Variants in PARP9 observed in about 807,000 individuals in gnomAD.
The protein encoded by PARP9 is poly(ADP-ribose) polymerase family member 9.
Under a neutral mutation model 68.8 loss-of-function variants are expected in PARP9, and 48 were observed. That is an observed-to-expected ratio of 0.70 (90% CI 0.55 to 0.89). The LOEUF is 0.89. PARP9 is among the 40% of genes least tolerant of loss of function. The pLI is 0.00. For synonymous variants in PARP9, 309 were observed against 333.8 expected (o/e 0.93, Z 0.81); for missense variants, 806 against 969.3 (o/e 0.83, Z 2.24).
At chr3:122,563,405 G>C (rs1284818416) in intron 1 of PARP9, among the ~76,000 whole-genome samples, 1 of 152,134 alleles carries the variant, frequency 6.6e-6, no homozygotes, top group Non-Finnish European at 1.5e-5. Flanking sequence ...AAATGATTAA[G>C]TTTTGGATAT....
chr3:122,552,944 T>G (rs1344295064), intron 4 of PARP9, among the ~76,000 whole-genome samples: 3 of 152,196 alleles, frequency 2.0e-5, no homozygotes, highest in African/African-American at 7.2e-5. Context: ...GAGTATTCCC[T>G]GTGATTTGTT....
intron 4 of PARP9, among the ~76,000 whole-genome samples, chr3:122,554,036 C>T (rs557704496): frequency 6.6e-6 from 1 of 152,298 alleles, no homozygotes; most frequent in South Asian, 2.1e-4. Flanking sequence ...CCAGTGACCC[C>T]CAGCTAAATG....
chr3:122,558,606 G>T, intron 2 of PARP9, 139 bp from the exon 3 acceptor site: 1 of 1,019,648 alleles, frequency 9.8e-7, no homozygotes, highest in South Asian at 1.9e-5. Context: ...GGAAGCATGT[G>T]TTTTTTTAAA....
chr3:122,528,672 A>G lies in PARP9; in HGVS notation c.2152T>C (p.Ser718Pro). 2 of 1,614,108 alleles carry G rather than the reference A, an allele frequency of 1.2e-6. No homozygotes were observed. Among genetic ancestry groups the G allele is most frequent in the Non-Finnish European group, 1.7e-6 (2 of 1,179,992 alleles). ...ACATAGATCAGCTTATCTGCAGCAG[A>G]GATTTTCTTGGCCTTCTCTGCCAGG... Reference protein sequence around the residue: ...KNLAEKAKKISAADKLIYVFE... With the variant: ...KNLAEKAKKIPAADKLIYVFE... Residue 718 changes from serine to proline, a missense_variant, in exon 11 of 11, where the codon TCT becomes CCT. Transcript: ENST00000682323.
chr3:122,540,044 T>G (rs2078074386), intron 8 of PARP9, among the ~76,000 whole-genome samples: 1 of 152,236 alleles, frequency 6.6e-6, no homozygotes, highest in Non-Finnish European at 1.5e-5. Context: ...TCAAGGTAAG[T>G]AATTTTAGCG....
intron 2 of PARP9, among the ~76,000 whole-genome samples, 177 bp downstream of exon 2, chr3:122,559,429 A>G (rs1288806101): frequency 6.6e-6 from 1 of 152,248 alleles, no homozygotes. Context: ...TTATTAGATT[A>G]GCATATTCTT....
intron 1 of PARP9, 76 bp from the exon 2 acceptor site, chr3:122,559,785 G>A: frequency 5.7e-6 from 3 of 524,496 alleles, no homozygotes; most frequent in Non-Finnish European, 9.8e-6. Context: ...TACTGTAGGA[G>A]GACTGAACAT....
intron 6 of PARP9, among the ~76,000 whole-genome samples, chr3:122,547,466 T>G (rs1559845852): frequency 6.6e-6 from 1 of 152,162 alleles, no homozygotes; most frequent in Non-Finnish European, 1.5e-5. Flanking sequence ...CCATTTTTCT[T>G]AAACTGTCAT....
chr3:122,542,831 T>C (rs2078360815), intron 7 of PARP9, among the ~76,000 whole-genome samples: 1 of 152,140 alleles, frequency 6.6e-6, no homozygotes. Flanking sequence ...GCACTATTCT[T>C]CTAGATAAGT....
intron 2 of PARP9, among the ~76,000 whole-genome samples, chr3:122,559,144 G>T (rs149522336): frequency 6.6e-6 from 1 of 152,200 alleles, no homozygotes; most frequent in Admixed American, 6.6e-5. Context: ...AGCTCATGGG[G>T]TTTCTCTAGA....
intron 1 of PARP9, 90 bp from the exon 2 acceptor site, chr3:122,559,799 T>C: frequency 2.1e-6 from 1 of 483,246 alleles, no homozygotes; most frequent in Non-Finnish European, 3.6e-6. Flanking sequence ...TGAACATGAT[T>C]TCTGATCTTG....
chr3:122,534,102 A>C (rs950965794), intron 10 of PARP9: 1 of 972,398 alleles, frequency 1.0e-6, no homozygotes, highest in African/African-American at 1.8e-5. Flanking sequence ...GGAGAAGGGC[A>C]GAGCACACAG....
chr3:122,543,739 G>C (rs143497067), intron 7 of PARP9, among the ~76,000 whole-genome samples: 3,005 of 152,250 alleles, frequency 0.02, 103 homozygotes, highest in African/African-American at 0.069. Flanking sequence ...AGCCTCCCAA[G>C]TAGCTGGGAC....
rs2080483134 is a variant in PARP9, at chr3:122,564,158, G to A, written c.-90+87C>T. On this transcript the variant is annotated intron_variant, in intron 1 of 10. Coordinates refer to ENST00000682323, the MANE Select transcript of PARP9 (RefSeq NM_001146105.2). ...AAGGGAGGCCTGGCCCTGGGACCCGGGTCCGCGCCCGTCCCCCTTCTCCCC... is the reference window on the plus strand; with the variant it reads ...AAGGGAGGCCTGGCCCTGGGACCCGAGTCCGCGCCCGTCCCCCTTCTCCCC... The A allele has an allele frequency of 3.1e-5, 15 of 477,898 alleles. 1 individual carries two copies. In the South Asian group the frequency reaches 4.9e-4, roughly 15 times the overall value. 29.6% of individuals were successfully genotyped at this position (477,898 alleles called of 1,614,324 possible). A position where few individuals can be genotyped will look rare whatever the true frequency, so the allele number is the denominator to read the frequency against.
intron 10 of PARP9, chr3:122,532,053 C>G (rs965362790): frequency 1.5e-6 from 1 of 689,266 alleles, no homozygotes; most frequent in Non-Finnish European, 1.8e-6. Context: ...ACTCACAGAG[C>G]AGACAGGACC....
chr3:122,532,557 G>T, intron 10 of PARP9: 2 of 412,892 alleles, frequency 4.8e-6, no homozygotes, highest in Non-Finnish European at 6.5e-6. Context: ...GAACGTGAGA[G>T]TTGGGTAAAG....
At chr3:122,547,051 TATATATACACATAC>T (rs1328839552) in intron 6 of PARP9, among the ~76,000 whole-genome samples, 1 of 137,900 alleles carries the variant, frequency 7.3e-6, no homozygotes, top group African/African-American at 2.6e-5. Flanking sequence ...CATACACACA[TATATATACACATAC>T]ATATATACAC....
chr3:122,529,201 G>GCA (rs1190041088), intron 10 of PARP9, among the ~76,000 whole-genome samples: 1 of 133,316 alleles, frequency 7.5e-6, no homozygotes, highest in African/African-American at 2.9e-5. Context: ...TCGCACCACT[G>GCA]CACTCCAACC....
chr3:122,528,756 A>T lies in PARP9; in HGVS notation c.2081-13T>A. On this transcript the variant is annotated splice_polypyrimidine_tract_variant and intron_variant, in intron 10 of 10. Transcript: ENST00000682323. ...CCGTATTTTGGATCTGATAAAGGAA[A>T]AAATAAAATAAAAAGATTATTATAA... The T allele has an allele frequency of 6.5e-7, 1 of 1,543,514 alleles. No individual in the cohort carries two copies. Among genetic ancestry groups the T allele is most frequent in the Non-Finnish European group, 8.7e-7 (1 of 1,144,958 alleles).
Sources: gnomAD v4.1 joint callset for allele counts (sites outside exome capture counted in the v4.1 genomes callset) on GRCh38, gnomAD v4.1.1 for gene constraint, MANE v1.5 for transcripts, NCBI Gene and HGNC (gene_info 2026-07-23, HGNC 2026-07-21) for gene names.